The following MYO3B variants were observed in gnomAD, a reference collection of about 807,000 sequenced individuals.
MYO3B encodes myosin IIIB.
In MYO3B, 156 loss-of-function variants were observed where a neutral mutation model predicts 174.6. The ratio of observed to expected loss-of-function variants is 0.89; its 90% CI spans 0.78 to 1.02. The LOEUF (loss-of-function observed/expected upper bound fraction) is 1.02, where lower values mean the gene tolerates loss of function less well. Among genes scored for constraint, MYO3B ranks in the 50% least tolerant of loss-of-function variants. MYO3B has a pLI of 0.00. For synonymous variants in MYO3B, 563 were observed against 569.1 expected, an observed-to-expected ratio of 0.99 and a Z score of 0.15; for missense variants, 1,632 against 1,639.4, an observed-to-expected ratio of 1.00 and a Z score of 0.08.
chr2:170,554,025 C>G lies in MYO3B; in HGVS notation c.3733+10037C>G, dbSNP rs139143752. ...CATGCCTCCTGTACAGATTATGGAA[C>G]TGTGAGTCAATTTCACCTCTTTTCT... On this transcript the variant is annotated intron_variant, in intron 32 of 34. Coordinates refer to ENST00000408978, the MANE Select transcript of MYO3B (RefSeq NM_138995.5). Among the ~76,000 whole-genome samples the G allele has an allele frequency of 3.8e-3, 577 of 152,296 alleles. 2 individuals are homozygous for G. Among genetic ancestry groups the G allele is most frequent in the African/African-American group, 0.013 (530 of 41,562 alleles).
intron 1 of MYO3B, among the ~76,000 whole-genome samples, chr2:170,188,092 G>A (rs920887897): frequency 6.6e-6 from 1 of 152,040 alleles, no homozygotes; most frequent in African/African-American, 2.4e-5. Flanking sequence ...TTAATTTATT[G>A]GAGCCTCTCT....
chr2:170,237,573 A>G (rs2093085487), intron 7 of MYO3B, among the ~76,000 whole-genome samples: 1 of 151,628 alleles, frequency 6.6e-6, no homozygotes, highest in South Asian at 2.1e-4. Context: ...AGACCCTTCC[A>G]CTCTATTGAC....
intron 7 of MYO3B, among the ~76,000 whole-genome samples, chr2:170,296,551 A>G (rs2093629963): frequency 6.6e-6 from 1 of 152,218 alleles, no homozygotes; most frequent in Admixed American, 6.5e-5. Flanking sequence ...AAGAGGCTAC[A>G]GAACTGAGCA....
At chr2:170,351,333 AG>A (rs1279322170) in intron 8 of MYO3B, among the ~76,000 whole-genome samples, 3 of 152,032 alleles carry the variant, frequency 2.0e-5, no homozygotes, top group Non-Finnish European at 4.4e-5. Context: ...GGTAGGGGAG[AG>A]GTTATGTGAT....
chr2:170,488,340 G>A (rs1686204308), intron 25 of MYO3B, among the ~76,000 whole-genome samples: 1 of 151,810 alleles, frequency 6.6e-6, no homozygotes, highest in Non-Finnish European at 1.5e-5. Flanking sequence ...GGCCTTTTAG[G>A]ATTGCTTGGT....
Position 170,461,338 on chromosome 2 carries a change from G to A in MYO3B, c.2731-2030G>A, listed in dbSNP as rs150719155. On this transcript the variant is annotated intron_variant, in intron 23 of 34. Coordinates refer to ENST00000408978, the MANE Select transcript of MYO3B (RefSeq NM_138995.5). ...AAAAACACAAAATTAGCTGGGCGTG[G>A]TGGCGGGCACCTGTAATCCCAGCTA... is the stretch of plus-strand genomic sequence containing the variant. Among the ~76,000 whole-genome samples the A allele has an allele frequency of 9.7e-4, 147 of 151,842 alleles. 1 individual carries two copies. Among genetic ancestry groups the A allele is most frequent in the African/African-American group, 3.0e-3 (124 of 41,390 alleles).
At chr2:170,370,963 A>T (rs2094239123) in intron 9 of MYO3B, among the ~76,000 whole-genome samples, 1 of 151,142 alleles carries the variant, frequency 6.6e-6, no homozygotes, top group African/African-American at 2.4e-5. Flanking sequence ...TCACGCCTGT[A>T]ATCCCAGCAC....
chr2:170,426,665 C>A (rs1228523771), intron 22 of MYO3B, among the ~76,000 whole-genome samples: 1 of 152,046 alleles, frequency 6.6e-6, no homozygotes, highest in Non-Finnish European at 1.5e-5. Flanking sequence ...GCAAAGGGCA[C>A]TTGGCAAGTC....
intron 6 of MYO3B, among the ~76,000 whole-genome samples, chr2:170,229,178 T>C (rs1002602406): frequency 6.6e-6 from 1 of 152,224 alleles, no homozygotes; most frequent in Non-Finnish European, 1.5e-5. Context: ...GAAATCTTTA[T>C]GATCAATAAC....
chr2:170,534,769 C>A (rs911686190), intron 30 of MYO3B, among the ~76,000 whole-genome samples: 1 of 152,180 alleles, frequency 6.6e-6, no homozygotes, highest in Non-Finnish European at 1.5e-5. Flanking sequence ...TCTAACAACT[C>A]TAGTTCAAGT....
chr2:170,234,149 C>T (rs1246944229), intron 6 of MYO3B, among the ~76,000 whole-genome samples: 55 of 110,676 alleles, frequency 5.0e-4, no homozygotes, highest in Admixed American at 1.8e-3. Context: ...CCAGCCTGGG[C>T]GACAGAGTGA....
At chr2:170,404,540 T>C in intron 20 of MYO3B, 140 bp downstream of exon 20, 3 of 778,194 alleles carry the variant, frequency 3.9e-6, no homozygotes, top group Non-Finnish European at 3.9e-6. Flanking sequence ...TCTTTTTCAT[T>C]GAATTGAAGT....
intron 8 of MYO3B, among the ~76,000 whole-genome samples, chr2:170,342,611 A>G (rs1315788626): frequency 6.6e-6 from 1 of 152,192 alleles, no homozygotes; most frequent in African/African-American, 2.4e-5. Context: ...TGTGAGGATT[A>G]AATTACATAA....
At chr2:170,480,817 T>C (rs1469530236) in intron 25 of MYO3B, among the ~76,000 whole-genome samples, 1 of 152,240 alleles carries the variant, frequency 6.6e-6, no homozygotes, top group Non-Finnish European at 1.5e-5. Flanking sequence ...GTGTTGATGA[T>C]TGTTGTAGTG....
intron 32 of MYO3B, chr2:170,601,586 GA>G (rs36064306): frequency 1.4e-5 from 15 of 1,094,602 alleles, no homozygotes; most frequent in African/African-American, 6.2e-5. Flanking sequence ...TATAGACAAG[GA>G]AAAAAACTAG....
At position 170,206,548 on chromosome 2, in the gene MYO3B, C is replaced by T. The variant is rs758712247; in HGVS notation, c.321+6264C>T. ...TGAACTAAACTGGGTTCTTGAGCCC[C>T]CAGCCTGACTAAAGGAGGCAACTGA... On this transcript the variant is annotated intron_variant, in intron 3 of 34. Transcript: ENST00000408978. The surrounding 1 kb of genome is among the most constrained non-coding windows in gnomAD (Gnocchi z 4.3). Among the ~76,000 whole-genome samples the T allele has an allele frequency of 6.6e-6, 1 of 152,170 alleles. No homozygotes were observed. Among genetic ancestry groups the T allele is most frequent in the Non-Finnish European group, 1.5e-5 (1 of 68,024 alleles).
chr2:170,501,993 G>T, intron 28 of MYO3B, 128 bp downstream of exon 28: 1 of 637,612 alleles, frequency 1.6e-6, no homozygotes, highest in East Asian at 2.8e-5. Flanking sequence ...TGGGAGACAG[G>T]AGTCCTAGTG....
intron 32 of MYO3B, among the ~76,000 whole-genome samples, chr2:170,569,520 T>TG (rs1692291334): frequency 7.6e-6 from 1 of 131,888 alleles, no homozygotes; most frequent in South Asian, 2.2e-4. Context: ...TGGGCTGAGT[T>TG]TTTTTTTTTT....
At position 170,539,662 on chromosome 2, in the gene MYO3B, C is replaced by T. The variant is rs1689957164; in HGVS notation, c.3576-3244C>T. Among the ~76,000 whole-genome samples, 4 of 151,448 alleles carry T rather than the reference C, an allele frequency of 2.6e-5. 1 individual carries two copies. In the South Asian group the frequency reaches 8.3e-4, roughly 32 times the overall value. On this transcript the variant is annotated intron_variant, in intron 30 of 34. Transcript: ENST00000408978. ...GAGATAGGGTCTCACTCCGGCTGTC[C>T]AGGCTGGAGTGCAGTGGTGCGATCT...
Sources: gnomAD v4.1 joint callset for allele counts (sites outside exome capture counted in the v4.1 genomes callset) on GRCh38, gnomAD v4.1.1 for gene constraint, Gnocchi (gnomAD v3.1) non-coding constraint, MANE v1.5 for transcripts, NCBI Gene and HGNC (gene_info 2026-07-23, HGNC 2026-07-21) for gene names.